The following ANO6 variants were observed in gnomAD, a reference collection of about 807,000 sequenced individuals.
The protein encoded by ANO6 is anoctamin 6.
A neutral mutation model predicts 117.5 loss-of-function variants in ANO6; 106 were observed. The observed-to-expected ratio is 0.90, with a 90% CI of 0.77 to 1.06. ANO6 has a LOEUF of 1.06. ANO6 is among the 50% of genes least tolerant of loss of function. The pLI, the probability that ANO6 is intolerant of heterozygous loss-of-function variation, is 0.00. For synonymous variants in ANO6, 367 were observed against 385.1 expected (o/e 0.95, Z 0.55); for missense variants, 955 against 1,121.1 (o/e 0.85, Z 2.12).
rs373469010 is a variant in ANO6, at chr12:45,348,081, A to T, written c.399A>T (p.Leu133Phe). Residue 133 changes from leucine to phenylalanine, a missense_variant, in exon 5 of 20, where the codon TTA becomes TTT. Transcript: ENST00000320560. ...AAGTACACGCACCATGGGAGGTGTT[A>T]TGTACGTATGCTGAGATAATGCACA... ...FVKVHAPWEVLCTYAEIMHIK... is the reference protein window; with the variant it reads ...FVKVHAPWEVFCTYAEIMHIK... The T allele has an allele frequency of 4.2e-5, 68 of 1,613,922 alleles. No individual in the cohort carries two copies. In the East Asian group the frequency reaches 5.6e-4, roughly 13 times the overall value.
At chr12:45,402,542 G>A (rs12581525) in intron 13 of ANO6, among the ~76,000 whole-genome samples, 3 of 152,092 alleles carry the variant, frequency 2.0e-5, no homozygotes, top group Non-Finnish European at 4.4e-5. Flanking sequence ...CACTGCATAC[G>A]TCTGAGTCGT....
chr12:45,270,445 G>A, intron 1 of ANO6: 1 of 1,522,682 alleles, frequency 6.6e-7, no homozygotes, highest in Non-Finnish European at 8.8e-7. Flanking sequence ...ATTTATTGAT[G>A]CCTCCTCATC....
chr12:45,421,883 T>G (rs908120887), intron 18 of ANO6, among the ~76,000 whole-genome samples: 4 of 152,224 alleles, frequency 2.6e-5, no homozygotes, highest in African/African-American at 9.6e-5. Context: ...TGATAAAGTT[T>G]GTGAACTGTA....
At chr12:45,305,452 A>G (rs1443704079) in intron 2 of ANO6, among the ~76,000 whole-genome samples, 2 of 152,226 alleles carry the variant, frequency 1.3e-5, no homozygotes, top group South Asian at 4.1e-4. Flanking sequence ...GAATATATTG[A>G]TAAGCATAAC....
intron 1 of ANO6, among the ~76,000 whole-genome samples, chr12:45,230,450 ATATAAAT>A (rs1203412738): frequency 6.7e-6 from 1 of 149,222 alleles, no homozygotes; most frequent in Non-Finnish European, 1.5e-5. Flanking sequence ...CATATATAAA[ATATAAAT>A]TATATATACA....
intron 1 of ANO6, among the ~76,000 whole-genome samples, chr12:45,246,719 G>A (rs1014956798): frequency 1.3e-5 from 2 of 151,970 alleles, no homozygotes; most frequent in African/African-American, 2.4e-5. Context: ...CTTCCAATGG[G>A]GGTAGACCAG....
At chr12:45,320,394 A>G in intron 2 of ANO6, among the ~76,000 whole-genome samples, 1 of 151,942 alleles carries the variant, frequency 6.6e-6, no homozygotes, top group Non-Finnish European at 1.5e-5. Context: ...GTCATTCAGG[A>G]GCAGGTTGTT....
At chr12:45,388,066 G>A in intron 10 of ANO6, 95 bp from the exon 11 acceptor site, 1 of 1,511,536 alleles carries the variant, frequency 6.6e-7, no homozygotes. Context: ...GTGAAAACAG[G>A]CCAGTACAAT....
intron 1 of ANO6, among the ~76,000 whole-genome samples, chr12:45,219,201 C>G (rs1242446846): frequency 6.6e-6 from 1 of 152,130 alleles, no homozygotes; most frequent in Non-Finnish European, 1.5e-5. Flanking sequence ...AAAAAACTTT[C>G]TAACTGGATG....
intron 1 of ANO6, among the ~76,000 whole-genome samples, chr12:45,235,908 A>C (rs1287401373): frequency 1.3e-5 from 2 of 152,116 alleles, no homozygotes; most frequent in Non-Finnish European, 2.9e-5. Context: ...GTTCCCAGGT[A>C]TTTAATCCAC....
At chr12:45,381,370 G>C (rs1326303450) in intron 10 of ANO6, among the ~76,000 whole-genome samples, 1 of 152,224 alleles carries the variant, frequency 6.6e-6, no homozygotes, top group Non-Finnish European at 1.5e-5. Context: ...GAACAGAAGT[G>C]TGTTGCTCCC....
At chr12:45,332,308 TCTCA>T (rs138473586) in intron 3 of ANO6, among the ~76,000 whole-genome samples, 64,112 of 147,732 alleles carry the variant, frequency 0.43, 13,761 homozygotes, top group South Asian at 0.62. Context: ...TCTCTCTCTC[TCTCA>T]CACACACACA....
chr12:45,375,256 T>G (rs1343635085), intron 9 of ANO6, among the ~76,000 whole-genome samples: 1 of 152,156 alleles, frequency 6.6e-6, no homozygotes, highest in Non-Finnish European at 1.5e-5. Flanking sequence ...GAAGAATCAA[T>G]ATCGTGAAAA....
chr12:45,419,411 T>C (rs1205483293), intron 17 of ANO6, among the ~76,000 whole-genome samples: 1 of 152,196 alleles, frequency 6.6e-6, no homozygotes, highest in Non-Finnish European at 1.5e-5. Context: ...ATTTAATCTA[T>C]TGAAATCTGA....
chr12:45,277,405 A>C (rs571037470), intron 1 of ANO6, among the ~76,000 whole-genome samples: 1 of 152,102 alleles, frequency 6.6e-6, no homozygotes, highest in Non-Finnish European at 1.5e-5. Context: ...AATCCTGTCA[A>C]ATTCATCCTT....
intron 2 of ANO6, among the ~76,000 whole-genome samples, chr12:45,318,046 G>A (rs1337733931): frequency 6.6e-6 from 1 of 152,150 alleles, no homozygotes; most frequent in Non-Finnish European, 1.5e-5. Context: ...TGAGTAGATT[G>A]CAAAAATTTT....
intron 1 of ANO6, among the ~76,000 whole-genome samples, chr12:45,240,392 T>C (rs1947722966): frequency 8.5e-6 from 1 of 117,426 alleles, no homozygotes; most frequent in Admixed American, 9.9e-5. Context: ...TTTTTTGCTT[T>C]CCATTTGCTT....
At chr12:45,329,381 G>A (rs1401146808) in intron 2 of ANO6, among the ~76,000 whole-genome samples, 4 of 152,102 alleles carry the variant, frequency 2.6e-5, no homozygotes, top group African/African-American at 9.7e-5. Flanking sequence ...CCATATTGGA[G>A]TTTGACCTAC....
At chr12:45,381,072 A>C (rs150138011) in intron 10 of ANO6, among the ~76,000 whole-genome samples, 5 of 152,326 alleles carry the variant, frequency 3.3e-5, no homozygotes, top group Middle Eastern at 6.8e-3. Context: ...CTAGACCTTC[A>C]GCAGCAAACT....
Sources: gnomAD v4.1 joint callset for allele counts (sites outside exome capture counted in the v4.1 genomes callset) on GRCh38, gnomAD v4.1.1 for gene constraint, MANE v1.5 for transcripts, NCBI Gene and HGNC (gene_info 2026-07-23, HGNC 2026-07-21) for gene names.